GLRX3: variants seen among roughly 807,000 people sequenced by gnomAD.
GLRX3 encodes the protein glutaredoxin 3.
A neutral mutation model predicts 49.5 loss-of-function variants in GLRX3; 22 were observed. The ratio of observed to expected loss-of-function variants is 0.44; its 90% CI spans 0.32 to 0.63. GLRX3 has a LOEUF of 0.63. Among genes scored for constraint, GLRX3 ranks in the 30% least tolerant of loss-of-function variants. The probability of loss-of-function intolerance (pLI) is 0.05; values close to 1 mark genes in which losing one functional copy is unlikely to be tolerated. For missense variants in GLRX3, 385 were observed against 396.3 expected, an observed-to-expected ratio of 0.97 and a Z score of 0.24; for synonymous variants, 133 against 140.0, an observed-to-expected ratio of 0.95 and a Z score of 0.35.
At chr10:130,161,063 G>T (rs987866944) in intron 4 of GLRX3, 66 bp downstream of exon 4, 5 of 1,055,350 alleles carry the variant, frequency 4.7e-6, no homozygotes, top group Non-Finnish European at 7.3e-6. Flanking sequence ...GTATGGTTGA[G>T]ATGGGCATCC....
At chr10:130,173,662 A>G (rs1230013025) in intron 8 of GLRX3, among the ~76,000 whole-genome samples, 1 of 152,190 alleles carries the variant, frequency 6.6e-6, no homozygotes, top group East Asian at 1.9e-4. Context: ...GAATAGTTGT[A>G]TAACTCATTG....
intron 2 of GLRX3, among the ~76,000 whole-genome samples, chr10:130,147,157 T>A (rs12765489): frequency 0.094 from 14,346 of 152,224 alleles, 856 homozygotes; most frequent in Non-Finnish European, 0.12. Context: ...AACTGTAGAG[T>A]GTAACCCTAA....
At chr10:130,143,599 G>A (rs1418159458) in intron 1 of GLRX3, among the ~76,000 whole-genome samples, 1 of 151,908 alleles carries the variant, frequency 6.6e-6, no homozygotes, top group Non-Finnish European at 1.5e-5. Context: ...TATGATCATG[G>A]CTCACTACAG....
At chr10:130,179,754 GA>G (rs1375429800), downstream of GLRX3, 2 of 249,484 alleles carry the variant, frequency 8.0e-6, no homozygotes, top group African/African-American at 4.7e-5. Flanking sequence ...AACTGTGGCG[GA>G]ATGCAGTACA....
Position 130,166,974 on chromosome 10 carries a change from A to G in GLRX3, c.707A>G (p.Glu236Gly), listed in dbSNP as rs764322363. ...ATTTGTCCCAAAGCTCCCAAATTAGAGGAAAGGTAAGTGTTTTAGAAGGTT... is the reference window on the plus strand; with the variant it reads ...ATTTGTCCCAAAGCTCCCAAATTAGGGGAAAGGTAAGTGTTTTAGAAGGTT... ...DTICPKAPKLEERLKVLTNKA... is the reference protein window; with the variant it reads ...DTICPKAPKLGERLKVLTNKA... The change falls in exon 6 of 11, where the codon GAG becomes GGG. Residue 236 changes from glutamate (E) to glycine (G), a missense_variant. Coordinates refer to ENST00000331244, the MANE Select transcript of GLRX3 (RefSeq NM_006541.5). The G allele has an allele frequency of 6.4e-7, 1 of 1,567,188 alleles. No individual in the cohort carries two copies. The highest frequency in any genetic ancestry group is 8.7e-7 in the Non-Finnish European group (1 of 1,144,740).
chr10:130,148,433 CTTTT>C (rs57482969), intron 2 of GLRX3, among the ~76,000 whole-genome samples: 1,048 of 70,406 alleles, frequency 0.015, 7 homozygotes, highest in African/African-American at 0.058. Flanking sequence ...GCCCTTCAGT[CTTTT>C]TTTTTTTTTT....
chr10:130,147,264 T>C (rs1343686844), intron 2 of GLRX3, among the ~76,000 whole-genome samples: 5 of 152,256 alleles, frequency 3.3e-5, no homozygotes, highest in Admixed American at 6.5e-5. Context: ...ATTAAACATT[T>C]CAATCATAAG....
At chr10:130,149,372 G>A (rs1862327878) in intron 2 of GLRX3, among the ~76,000 whole-genome samples, 1 of 151,842 alleles carries the variant, frequency 6.6e-6, no homozygotes, top group African/African-American at 2.4e-5. Flanking sequence ...AACCCAGGAG[G>A]TGGAGGTTGC....
intron 4 of GLRX3, among the ~76,000 whole-genome samples, chr10:130,164,528 G>T (rs1358319182): frequency 1.3e-5 from 2 of 152,142 alleles, no homozygotes; most frequent in African/African-American, 2.4e-5. Flanking sequence ...GCGGTGTTAG[G>T]CACCTATTCA....
intron 2 of GLRX3, among the ~76,000 whole-genome samples, chr10:130,158,560 TG>T (rs1263683926): frequency 6.6e-6 from 1 of 152,232 alleles, no homozygotes; most frequent in Non-Finnish European, 1.5e-5. Context: ...TGATCCTTGC[TG>T]AATGCCCAGT....
chr10:130,179,708 C>G, downstream of GLRX3: 1 of 276,672 alleles, frequency 3.6e-6, no homozygotes, highest in South Asian at 4.3e-5. Flanking sequence ...TGAGTATCTT[C>G]TAGCAGTTAA....
At chr10:130,146,981 G>A (rs1379021566) in intron 2 of GLRX3, among the ~76,000 whole-genome samples, 9 of 152,176 alleles carry the variant, frequency 5.9e-5, no homozygotes, top group African/African-American at 9.7e-5. Context: ...GGCCCACCCC[G>A]TTCCTCTGTT....
chr10:130,160,106 T>A, intron 3 of GLRX3, 37 bp downstream of exon 3: 1 of 1,236,812 alleles, frequency 8.1e-7, no homozygotes, highest in Non-Finnish European at 1.2e-6. Flanking sequence ...TATCCATTTG[T>A]AGGGTGCCAT....
intron 4 of GLRX3, among the ~76,000 whole-genome samples, chr10:130,162,068 C>T (rs1253348461): frequency 6.6e-6 from 1 of 152,208 alleles, no homozygotes; most frequent in Non-Finnish European, 1.5e-5. Context: ...CCTCTGTCTA[C>T]TAGGGGTCAA....
intron 10 of GLRX3, among the ~76,000 whole-genome samples, chr10:130,176,183 A>G (rs1358435006): frequency 6.6e-6 from 1 of 150,920 alleles, no homozygotes; most frequent in Admixed American, 6.6e-5. Context: ...GCAATGGTGC[A>G]ATCTCGGCTC....
chr10:130,175,035 A>G lies in GLRX3; in HGVS notation c.903A>G (p.Thr301=). 1.2e-6 allele frequency: 2 copies of G among 1,608,396 alleles called. No homozygotes were observed. The highest frequency in any genetic ancestry group is 1.7e-6 in the Non-Finnish European group (2 of 1,175,026). ...TAAAAGCTTACTCAAATTGGCCAACATACCCTCAGCTGTATGTGAAAGGGG... is the reference window on the plus strand; with the variant it reads ...TAAAAGCTTACTCAAATTGGCCAACGTACCCTCAGCTGTATGTGAAAGGGG... ...QGLKAYSNWP[T]YPQLYVKGEL... The change falls in exon 10 of 11, where the codon ACA becomes ACG. Residue 301 remains threonine, a synonymous_variant. Transcript: ENST00000331244.
At chr10:130,157,574 T>G (rs1862500812) in intron 2 of GLRX3, among the ~76,000 whole-genome samples, 1 of 130,160 alleles carries the variant, frequency 7.7e-6, no homozygotes. Flanking sequence ...CAAATGCCAG[T>G]CTCTTCCCAA....
chr10:130,179,200 T>G, intron 10 of GLRX3, 142 bp from the exon 11 acceptor site: 2 of 527,554 alleles, frequency 3.8e-6, no homozygotes, highest in Non-Finnish European at 6.7e-6. Context: ...TCATTTAGTT[T>G]GAGAGTGTTA....
At chr10:130,148,900 A>G (rs535157939) in intron 2 of GLRX3, among the ~76,000 whole-genome samples, 1 of 152,112 alleles carries the variant, frequency 6.6e-6, no homozygotes, top group African/African-American at 2.4e-5. Context: ...TCATCTCTAC[A>G]GAATAAAAAT....
Sources: gnomAD v4.1 joint callset for allele counts (sites outside exome capture counted in the v4.1 genomes callset) on GRCh38, gnomAD v4.1.1 for gene constraint, MANE v1.5 for transcripts, NCBI Gene and HGNC (gene_info 2026-07-23, HGNC 2026-07-21) for gene names.